CSMD3: variants seen among roughly 807,000 people sequenced by gnomAD.
CSMD3 encodes the protein CUB and sushi domain-containing protein 3.
Under a neutral mutation model 435.2 loss-of-function variants are expected in CSMD3, and 177 were observed. The observed-to-expected ratio is 0.41, with a 90% confidence interval of 0.36 to 0.46. The LOEUF (loss-of-function observed/expected upper bound fraction) is 0.46. Ranked by LOEUF, CSMD3 falls within the 20% of genes least tolerant of loss-of-function variation. The pLI is 0.34. For synonymous variants in CSMD3, 1,656 were observed against 1,520.5 expected, an observed-to-expected ratio of 1.09 and a Z score of -2.07; for missense variants, 4,265 against 4,504.6, an observed-to-expected ratio of 0.95 and a Z score of 1.52.
chr8:113,314,407 A>G (rs761369247), intron 2 of CSMD3, 164 bp downstream of exon 2: 1 of 619,010 alleles, frequency 1.6e-6, no homozygotes, highest in Non-Finnish European at 2.9e-6. Context: ...AGAGACACCA[A>G]GCTAATTTGT....
rs552854339 is a variant in CSMD3 at position 113,092,827 on chromosome 8, AAAAC to A, written c.917+5925_917+5928del. ...TGCCTACCTCCAGAAACCTGCATTA[AAAAC>A]AAACAAACGAACAAAAACAAAACAC... is the stretch of plus-strand genomic sequence containing the variant. On this transcript the variant is annotated intron_variant, in intron 5 of 70. Coordinates refer to ENST00000297405, the MANE Select transcript of CSMD3 (RefSeq NM_198123.2). Among the ~76,000 whole-genome samples the A allele has an allele frequency of 7.7e-3, 1,178 of 152,180 alleles. 15 individuals are homozygous for A. The highest frequency in any genetic ancestry group is 0.027 in the African/African-American group (1,104 of 41,546).
At chr8:113,263,502 T>G (rs2093443536) in intron 3 of CSMD3, among the ~76,000 whole-genome samples, 1 of 151,924 alleles carries the variant, frequency 6.6e-6, no homozygotes, top group African/African-American at 2.4e-5. Flanking sequence ...TGCATTCCTT[T>G]AAATTTTACA....
At chr8:113,258,565 TCTTCC>T (rs892941563) in intron 3 of CSMD3, among the ~76,000 whole-genome samples, 3 of 152,216 alleles carry the variant, frequency 2.0e-5, no homozygotes, top group African/African-American at 7.2e-5. Flanking sequence ...GTCCCATCTT[TCTTCC>T]CTTCATCTTC....
chr8:112,558,621 CG>C (rs1404089113), intron 24 of CSMD3, among the ~76,000 whole-genome samples: 1 of 151,694 alleles, frequency 6.6e-6, no homozygotes, highest in Non-Finnish European at 1.5e-5. Context: ...ATGAGGGTGA[CG>C]AAAGGTATCA....
intron 2 of CSMD3, among the ~76,000 whole-genome samples, chr8:113,303,302 G>C (rs906653275): frequency 7.1e-6 from 1 of 140,314 alleles, no homozygotes; most frequent in African/African-American, 2.7e-5. Flanking sequence ...CTCATGGGTA[G>C]GAAGAATCAA....
intron 1 of CSMD3, among the ~76,000 whole-genome samples, chr8:113,363,947 C>A (rs751840437): frequency 6.6e-6 from 1 of 152,036 alleles, no homozygotes; most frequent in Non-Finnish European, 1.5e-5. Flanking sequence ...TATTATCAAA[C>A]CTGAAGTTAC....
chr8:112,625,250 A>G (rs1834383070), intron 22 of CSMD3, among the ~76,000 whole-genome samples: 1 of 152,114 alleles, frequency 6.6e-6, no homozygotes, highest in Non-Finnish European at 1.5e-5. Flanking sequence ...TACCTTTTAT[A>G]GGTACAAGGC....
At chr8:113,021,521 G>A (rs984000910) in intron 5 of CSMD3, among the ~76,000 whole-genome samples, 6 of 152,128 alleles carry the variant, frequency 3.9e-5, no homozygotes, top group Non-Finnish European at 5.9e-5. Context: ...ATGCATGGAG[G>A]TGTGTAATAC....
intron 17 of CSMD3, among the ~76,000 whole-genome samples, chr8:112,657,705 A>G (rs2075289278): frequency 6.6e-6 from 1 of 152,168 alleles, no homozygotes; most frequent in Non-Finnish European, 1.5e-5. Context: ...TCCCTTGCCT[A>G]TGATGATCTT....
intron 1 of CSMD3, among the ~76,000 whole-genome samples, chr8:113,371,001 T>G (rs112613739): frequency 1.1e-4 from 16 of 152,206 alleles, no homozygotes; most frequent in African/African-American, 3.8e-4. Flanking sequence ...GGCCATGAAG[T>G]TACAATTGTC....
rs2090497181 is a variant in CSMD3, at chr8:113,106,969, T to C, written c.710-8006A>G. 2.0e-5 allele frequency among the ~76,000 whole-genome samples: 3 copies of C among 152,230 alleles called. No individual in the cohort carries two copies. The South Asian group carries it at 6.2e-4, about 32-fold the overall frequency. On this transcript the variant is annotated intron_variant, in intron 4 of 70. Coordinates refer to ENST00000297405, the MANE Select transcript of CSMD3 (RefSeq NM_198123.2). ...TTGTATAACCATCACCACAATGAAT[T>C]TTAGAACATTTTCATCACCCCAAAA...
intron 6 of CSMD3, among the ~76,000 whole-genome samples, chr8:112,978,348 A>G (rs1268123444): frequency 1.3e-5 from 2 of 151,930 alleles, no homozygotes; most frequent in African/African-American, 4.8e-5. Context: ...ATTTGAGTCA[A>G]TAAATCTGAG....
intron 1 of CSMD3, among the ~76,000 whole-genome samples, chr8:113,315,049 A>C (rs886451604): frequency 2.6e-5 from 4 of 152,194 alleles, no homozygotes; most frequent in Non-Finnish European, 4.4e-5. Flanking sequence ...AATTATCCAC[A>C]TACATCTGAT....
At chr8:112,485,644 C>A (rs763923776) in intron 31 of CSMD3, among the ~76,000 whole-genome samples, 21 of 152,050 alleles carry the variant, frequency 1.4e-4, no homozygotes, top group Non-Finnish European at 3.1e-4. Context: ...TATACCCAAA[C>A]AATATGATTT....
At chr8:113,086,219 A>T (rs963213045) in intron 5 of CSMD3, among the ~76,000 whole-genome samples, 1 of 151,636 alleles carries the variant, frequency 6.6e-6, no homozygotes, top group Non-Finnish European at 1.5e-5. Context: ...ACTGCACTCC[A>T]GCCTGGGCAA....
intron 1 of CSMD3, among the ~76,000 whole-genome samples, chr8:113,365,523 T>C (rs2094305451): frequency 6.6e-6 from 1 of 152,050 alleles, no homozygotes; most frequent in Non-Finnish European, 1.5e-5. Context: ...TAAACTAATA[T>C]GTTGTAACAG....
intron 13 of CSMD3, among the ~76,000 whole-genome samples, chr8:112,763,910 C>T (rs1232016141): frequency 6.6e-6 from 1 of 151,094 alleles, no homozygotes; most frequent in Non-Finnish European, 1.5e-5. Context: ...TTCTTGCTGG[C>T]AGCTCCATAT....
chr8:112,493,864 G>A (rs770023272), intron 30 of CSMD3, among the ~76,000 whole-genome samples: 3 of 151,968 alleles, frequency 2.0e-5, no homozygotes, highest in Admixed American at 6.6e-5. Context: ...AATGTACAAC[G>A]TAAAGGCCAT....
chr8:112,980,950 G>C (rs988514312), intron 6 of CSMD3, among the ~76,000 whole-genome samples: 1 of 151,266 alleles, frequency 6.6e-6, no homozygotes, highest in Non-Finnish European at 1.5e-5. Flanking sequence ...TAAAACTGTA[G>C]GGGAAATAGA....
Sources: gnomAD v4.1 joint callset for allele counts (sites outside exome capture counted in the v4.1 genomes callset) on GRCh38, gnomAD v4.1.1 for gene constraint, MANE v1.5 for transcripts, NCBI Gene and HGNC (gene_info 2026-07-23, HGNC 2026-07-21) for gene names.